Variants in NSUN6 observed in about 807,000 individuals in gnomAD.
The protein encoded by NSUN6 is NOP2/Sun RNA methyltransferase 6.
Under a neutral mutation model 58.0 loss-of-function variants are expected in NSUN6, and 64 were observed. The observed-to-expected ratio is 1.10, with a 90% CI of 0.90 to 1.36. The LOEUF (loss-of-function observed/expected upper bound fraction) is 1.36. NSUN6 is among the 40% of genes most tolerant of loss of function. The pLI is 0.00. For missense variants in NSUN6, 701 were observed against 550.1 expected (o/e 1.27, Z -2.74); for synonymous variants, 231 against 193.9 (o/e 1.19, Z -1.59).
upstream of NSUN6, among the ~76,000 whole-genome samples, chr10:18,657,854 C>T (rs995930049): frequency 6.6e-6 from 1 of 152,014 alleles, no homozygotes; most frequent in African/African-American, 2.4e-5. Flanking sequence ...CTTCGTGATC[C>T]ACCCGCCTCA....
At chr10:18,591,868 G>A (rs189635548) in intron 7 of NSUN6, among the ~76,000 whole-genome samples, 2 of 152,206 alleles carry the variant, frequency 1.3e-5, no homozygotes, top group African/African-American at 4.8e-5. Flanking sequence ...CTCTGGCCAG[G>A]CTAATCAGGC....
At chr10:18,600,958 A>G (rs1294023347) in intron 6 of NSUN6, among the ~76,000 whole-genome samples, 1 of 99,838 alleles carries the variant, frequency 1.0e-5, no homozygotes, top group Non-Finnish European at 2.0e-5. Context: ...ATATATATAT[A>G]TACATATATA....
Position 18,616,194 on chromosome 10 carries a change from T to C in NSUN6, c.411A>G (p.Ser137=), listed in dbSNP as rs2058403507. The C allele has an allele frequency of 1.3e-6, 2 of 1,541,470 alleles. No individual in the cohort carries two copies. Among genetic ancestry groups the C allele is most frequent in the Admixed American group, 3.3e-5 (2 of 59,796 alleles). Residue 137 remains serine (S), a synonymous_variant, in exon 4 of 11, where the codon TCA becomes TCG. Coordinates refer to ENST00000377304, the MANE Select transcript of NSUN6 (RefSeq NM_182543.5). Reference sequence around the variant, plus strand: ...AAACATTATACTTACATTGTGATGCTGACACAATTCCTGGGGCATAGACAT... The same window carrying C: ...AAACATTATACTTACATTGTGATGCCGACACAATTCCTGGGGCATAGACAT... The part of the protein sequence containing the change: ...GAHVYAPGIV[S]ASQFMKAGDV...
chr10:18,635,934 C>G (rs2059199915), intron 3 of NSUN6, among the ~76,000 whole-genome samples: 1 of 150,078 alleles, frequency 6.7e-6, no homozygotes, highest in South Asian at 2.1e-4. Context: ...GTCTAAAGTT[C>G]AATAAGTAAG....
chr10:18,634,587 T>TA (rs1291357044), intron 3 of NSUN6, among the ~76,000 whole-genome samples: 17 of 129,110 alleles, frequency 1.3e-4, no homozygotes, highest in African/African-American at 3.5e-4. Flanking sequence ...ACATCTCTAC[T>TA]AAAAAAAATA....
At chr10:18,634,030 C>G (rs1402427132) in intron 3 of NSUN6, among the ~76,000 whole-genome samples, 1 of 152,202 alleles carries the variant, frequency 6.6e-6, no homozygotes, top group Non-Finnish European at 1.5e-5. Context: ...ATTCTGGATC[C>G]TTCTTGAGCA....
At position 18,609,968 on chromosome 10, in the gene NSUN6, T is replaced by C. The variant is rs763215876; in HGVS notation, c.576-42A>G. On this transcript the variant is annotated intron_variant, in intron 5 of 10. Coordinates refer to ENST00000377304, the MANE Select transcript of NSUN6 (RefSeq NM_182543.5). ...CTAACATTAGTCTGTATAAATTCCA[T>C]GGTCTATACAAACTATGTTTCCAGA... The C allele has an allele frequency of 1.1e-5, 13 of 1,144,568 alleles. No individual in the cohort carries two copies. In the East Asian group the frequency reaches 2.8e-4, roughly 25 times the overall value. The allele number at this position is 1,144,568 out of a possible 1,614,324, so 70.9% of individuals were successfully genotyped here.
chr10:18,577,072 A>G (rs952586348), intron 8 of NSUN6, among the ~76,000 whole-genome samples: 10 of 152,210 alleles, frequency 6.6e-5, no homozygotes, highest in African/African-American at 2.4e-4. Flanking sequence ...GATTGGATAC[A>G]CTATATCTAT....
intron 8 of NSUN6, among the ~76,000 whole-genome samples, chr10:18,583,259 G>T (rs527997819): frequency 6.6e-6 from 1 of 152,120 alleles, no homozygotes; most frequent in Non-Finnish European, 1.5e-5. Context: ...ACCTTTTACC[G>T]TAATTTGCCA....
intron 6 of NSUN6, among the ~76,000 whole-genome samples, chr10:18,603,019 G>A (rs1402842574): frequency 3.9e-5 from 6 of 152,118 alleles, no homozygotes; most frequent in Non-Finnish European, 7.4e-5. Context: ...TAGGTCGGGC[G>A]CAGTGGCTCA....
chr10:18,657,406 G>A (rs533667286), upstream of NSUN6, among the ~76,000 whole-genome samples: 30 of 152,038 alleles, frequency 2.0e-4, no homozygotes, highest in African/African-American at 7.0e-4. Flanking sequence ...AAATTTTAAC[G>A]AACTGAAAAC....
intron 5 of NSUN6, among the ~76,000 whole-genome samples, chr10:18,610,565 T>A (rs146721333): frequency 2.0e-5 from 3 of 152,178 alleles, no homozygotes; most frequent in Non-Finnish European, 2.9e-5. Flanking sequence ...CAGCTCTTTA[T>A]AGAATAATTG....
upstream of NSUN6, chr10:18,653,137 T>C (rs986291307): frequency 4.1e-6 from 4 of 985,150 alleles, no homozygotes; most frequent in African/African-American, 7.0e-5. Flanking sequence ...ATCTGTATTT[T>C]AGCGATAAAG....
intron 3 of NSUN6, 80 bp downstream of exon 3, chr10:18,642,396 T>C: frequency 6.9e-6 from 5 of 722,164 alleles, no homozygotes; most frequent in African/African-American, 1.8e-5. Context: ...AACTTAGTAT[T>C]ATCACTGAAC....
intron 6 of NSUN6, among the ~76,000 whole-genome samples, chr10:18,601,668 A>T (rs752040579): frequency 1.3e-4 from 20 of 152,184 alleles, no homozygotes; most frequent in Non-Finnish European, 1.0e-4. Flanking sequence ...CTGGATTAGC[A>T]GTTCTCATTT....
At chr10:18,626,505 C>T (rs1282970191) in intron 3 of NSUN6, among the ~76,000 whole-genome samples, 6 of 152,214 alleles carry the variant, frequency 3.9e-5, no homozygotes, top group African/African-American at 9.6e-5. Flanking sequence ...CAGTGGCTCA[C>T]GCCTGTAATC....
rs2057587890 is a variant in NSUN6, at chr10:18,596,390, G to C, written c.658-63C>G. 5 of 1,181,990 alleles carry C rather than the reference G, an allele frequency of 4.2e-6. No individual in the cohort carries two copies. In the African/African-American group the frequency reaches 4.5e-5, roughly 11 times the overall value. The allele number at this position is 1,181,990 out of a possible 1,614,324, so 73.2% of individuals were successfully genotyped here. ...TAAAGCATTTTTAATTTGAGAACCAGAGAATATAAAGAACCCTTTGGGGGT... is the reference window on the plus strand; with the variant it reads ...TAAAGCATTTTTAATTTGAGAACCACAGAATATAAAGAACCCTTTGGGGGT... On this transcript the variant is annotated intron_variant, in intron 6 of 10. Transcript: ENST00000377304.
intron 10 of NSUN6, among the ~76,000 whole-genome samples, chr10:18,547,076 G>C (rs979102128): frequency 1.3e-5 from 2 of 152,078 alleles, no homozygotes; most frequent in Admixed American, 1.3e-4. Context: ...AGTTGGGCGA[G>C]AAAAGTTTCT....
chr10:18,604,100 T>G (rs1050123998), intron 6 of NSUN6, among the ~76,000 whole-genome samples: 2 of 152,068 alleles, frequency 1.3e-5, no homozygotes, highest in African/African-American at 4.8e-5. Context: ...GAGAATCACT[T>G]GAACCTGGGA....
Sources: gnomAD v4.1 joint callset for allele counts (sites outside exome capture counted in the v4.1 genomes callset) on GRCh38, gnomAD v4.1.1 for gene constraint, MANE v1.5 for transcripts, NCBI Gene and HGNC (gene_info 2026-07-23, HGNC 2026-07-21) for gene names.